The following PIGU variants were observed in gnomAD, a reference collection of about 807,000 sequenced individuals.
PIGU encodes GPI-anchor transamidase component PIGU.
In PIGU, 24 loss-of-function variants were observed where a neutral mutation model predicts 49.9. That is an observed-to-expected ratio of 0.48 (90% CI 0.35 to 0.68). PIGU has a LOEUF of 0.68. Ranked by LOEUF, PIGU falls within the 30% of genes least tolerant of loss-of-function variation. The pLI, the probability that PIGU is intolerant of heterozygous loss-of-function variation, is 0.01. For synonymous variants in PIGU, 220 were observed against 205.7 expected (o/e 1.07, Z -0.59); for missense variants, 490 against 532.6 (o/e 0.92, Z 0.79).
chr20:34,608,454 G>A (rs924348764), intron 7 of PIGU, among the ~76,000 whole-genome samples: 1 of 152,144 alleles, frequency 6.6e-6, no homozygotes, highest in Non-Finnish European at 1.5e-5. Context: ...AATTTGGGTG[G>A]TATGAGCCCC....
chr20:34,562,022 C>T (rs1310656146), intron 11 of PIGU, among the ~76,000 whole-genome samples: 1 of 152,198 alleles, frequency 6.6e-6, no homozygotes, highest in Non-Finnish European at 1.5e-5. Context: ...TTTCTGTGCC[C>T]AGCTCAGTCT....
At chr20:34,623,023 C>A (rs572313217) in intron 6 of PIGU, among the ~76,000 whole-genome samples, 1 of 152,200 alleles carries the variant, frequency 6.6e-6, no homozygotes, top group Admixed American at 6.5e-5. Flanking sequence ...CACCTCACAG[C>A]GATCTGGGCC....
At chr20:34,594,397 C>T (rs1161435038) in intron 7 of PIGU, among the ~76,000 whole-genome samples, 1 of 152,070 alleles carries the variant, frequency 6.6e-6, no homozygotes, top group African/African-American at 2.4e-5. Flanking sequence ...GCGTACTACA[C>T]AGCCTTAAAA....
At position 34,654,402 on chromosome 20, in the gene PIGU, G is replaced by A. The variant is rs1213348082; in HGVS notation, c.195+2778C>T. Among the ~76,000 whole-genome samples, 3 of 111,526 alleles carry A rather than the reference G, an allele frequency of 2.7e-5. 1 individual carries two copies. Among genetic ancestry groups the A allele is most frequent in the Non-Finnish European group, 5.7e-5 (3 of 52,896 alleles). The allele number at this position is 111,526 out of a possible 152,430, so 73.2% of individuals were successfully genotyped here. ...CACTTGAATCCAGGGTGGGGGAAGG[G>A]GGAGGGGGTTGCAGAGGTTGCAATG... is the stretch of plus-strand genomic sequence containing the variant. On this transcript the variant is annotated intron_variant, in intron 2 of 11. Transcript: ENST00000217446.
At chr20:34,651,218 T>C (rs1986532305) in intron 2 of PIGU, among the ~76,000 whole-genome samples, 1 of 152,252 alleles carries the variant, frequency 6.6e-6, no homozygotes, top group Admixed American at 6.5e-5. Context: ...TCCTAGAGTG[T>C]AGTCCTTCAG....
At chr20:34,610,784 C>T (rs1984783585) in intron 7 of PIGU, among the ~76,000 whole-genome samples, 1 of 152,156 alleles carries the variant, frequency 6.6e-6, no homozygotes, top group Non-Finnish European at 1.5e-5. Context: ...TTGGAGGCAA[C>T]AAGCTACCTG....
At chr20:34,665,412 C>T (rs1185723650) in intron 1 of PIGU, among the ~76,000 whole-genome samples, 1 of 151,232 alleles carries the variant, frequency 6.6e-6, no homozygotes, top group Non-Finnish European at 1.5e-5. Context: ...ACCTTGTTAG[C>T]CAGGATGGTC....
chr20:34,593,521 A>G (rs1984077678), intron 7 of PIGU, among the ~76,000 whole-genome samples: 1 of 152,234 alleles, frequency 6.6e-6, no homozygotes, highest in African/African-American at 2.4e-5. Context: ...GCTCGTTAAT[A>G]GAGAAGTAGA....
intron 7 of PIGU, among the ~76,000 whole-genome samples, chr20:34,612,482 T>C (rs1156756535): frequency 2.6e-5 from 4 of 152,076 alleles, no homozygotes; most frequent in South Asian, 2.1e-4. Context: ...TATACCTATG[T>C]AACAAACCTG....
intron 7 of PIGU, among the ~76,000 whole-genome samples, chr20:34,592,348 T>C (rs17305573): frequency 0.05 from 6,933 of 139,998 alleles, 259 homozygotes; most frequent in Non-Finnish European, 0.085. Flanking sequence ...AAACAGAAAA[T>C]AAAGGTACAA....
chr20:34,648,251 CAAAAAAAAA>C (rs34170509), intron 2 of PIGU, among the ~76,000 whole-genome samples: 1 of 88,862 alleles, frequency 1.1e-5, no homozygotes, highest in Non-Finnish European at 2.3e-5. Flanking sequence ...GACCCTGTCT[CAAAAAAAAA>C]AAAAAAAAAA....
intron 1 of PIGU, among the ~76,000 whole-genome samples, chr20:34,662,259 G>A (rs2146789915): frequency 6.6e-6 from 1 of 152,178 alleles, no homozygotes; most frequent in South Asian, 2.1e-4. Flanking sequence ...TTTTTGTAGA[G>A]ATGGGGTTTC....
chr20:34,576,029 T>A (rs1276346480), intron 10 of PIGU, among the ~76,000 whole-genome samples: 1 of 152,164 alleles, frequency 6.6e-6, no homozygotes, highest in Non-Finnish European at 1.5e-5. Context: ...TCTCTAGACC[T>A]CAGCTTCCTC....
intron 5 of PIGU, among the ~76,000 whole-genome samples, chr20:34,635,184 A>G (rs1445772731): frequency 2.0e-5 from 3 of 152,230 alleles, no homozygotes; most frequent in Non-Finnish European, 2.9e-5. Context: ...ACAGAGCCAC[A>G]TATCTCAAGA....
chr20:34,625,153 CCT>C (rs1568645535), intron 6 of PIGU, among the ~76,000 whole-genome samples: 1 of 152,098 alleles, frequency 6.6e-6, no homozygotes, highest in Non-Finnish European at 1.5e-5. Context: ...GGGTGGATCA[CCT>C]GAGGTCAGGA....
At chr20:34,596,218 A>G (rs1253375386) in intron 7 of PIGU, among the ~76,000 whole-genome samples, 1 of 152,200 alleles carries the variant, frequency 6.6e-6, no homozygotes, top group Non-Finnish European at 1.5e-5. Context: ...TCATGAGAAA[A>G]CTATGACAAT....
chr20:34,620,445 G>A (rs899002840), intron 6 of PIGU, among the ~76,000 whole-genome samples: 7 of 152,174 alleles, frequency 4.6e-5, no homozygotes, highest in African/African-American at 7.2e-5. Flanking sequence ...GGTAACAACC[G>A]TTGATTATAG....
At chr20:34,594,979 C>G (rs1306329591) in intron 7 of PIGU, among the ~76,000 whole-genome samples, 1 of 150,784 alleles carries the variant, frequency 6.6e-6, no homozygotes, top group Non-Finnish European at 1.5e-5. Context: ...GTAGTCCTAG[C>G]TACTCGGGAG....
intron 4 of PIGU, among the ~76,000 whole-genome samples, chr20:34,641,313 T>C (rs1324543702): frequency 6.6e-6 from 1 of 152,176 alleles, no homozygotes; most frequent in African/African-American, 2.4e-5. Context: ...TCCACCCCTG[T>C]CCCTACTCCT....
Sources: allele counts gnomAD v4.1 joint callset (sites outside exome capture counted in the v4.1 genomes callset), GRCh38; gene constraint gnomAD v4.1.1; transcripts MANE v1.5; gene names NCBI Gene and HGNC (gene_info 2026-07-23, HGNC 2026-07-21).